Variants in PDSS2 observed in about 807,000 individuals in gnomAD.
PDSS2 encodes decaprenyl diphosphate synthase subunit 2, also known as all trans-polyprenyl-diphosphate synthase PDSS2.
PDSS2 carries 31 observed loss-of-function variants against 44.5 expected under a neutral mutation model. The observed-to-expected ratio is 0.70, with a 90% CI of 0.52 to 0.94. The LOEUF (loss-of-function observed/expected upper bound fraction) is 0.94, where lower values mean the gene tolerates loss of function less well. Ranked by LOEUF, PDSS2 falls within the 40% of genes least tolerant of loss-of-function variation. The pLI is 0.00. For synonymous variants in PDSS2, 157 were observed against 180.3 expected (o/e 0.87, Z 1.03); for missense variants, 452 against 482.2 (o/e 0.94, Z 0.59).
chr6:107,354,592 C>G (rs968558796), intron 1 of PDSS2, among the ~76,000 whole-genome samples: 1 of 152,168 alleles, frequency 6.6e-6, no homozygotes, highest in Non-Finnish European at 1.5e-5. Flanking sequence ...GAGCCAATTC[C>G]TGCATGTATT....
chr6:107,403,054 C>T (rs1328445327), intron 1 of PDSS2, among the ~76,000 whole-genome samples: 2 of 152,062 alleles, frequency 1.3e-5, no homozygotes, highest in Admixed American at 6.6e-5. Context: ...AAGTTTCATC[C>T]GAGACAAGGC....
chr6:107,433,118 A>G (rs1781243574), intron 1 of PDSS2, among the ~76,000 whole-genome samples: 1 of 152,202 alleles, frequency 6.6e-6, no homozygotes. Context: ...AAAATCATCC[A>G]GGATGGAAAA....
chr6:107,308,784 TTGC>T (rs570679746), intron 2 of PDSS2, among the ~76,000 whole-genome samples: 1 of 152,162 alleles, frequency 6.6e-6, no homozygotes, highest in Non-Finnish European at 1.5e-5. Context: ...TCCAGTCAGC[TTGC>T]TGCTGCTGCT....
At chr6:107,405,587 C>T (rs184604118) in intron 1 of PDSS2, among the ~76,000 whole-genome samples, 1 of 152,236 alleles carries the variant, frequency 6.6e-6, no homozygotes, top group African/African-American at 2.4e-5. Context: ...GTGGCTCACG[C>T]CTGTAATCCC....
chr6:107,314,720 T>C (rs1157926524), intron 2 of PDSS2, among the ~76,000 whole-genome samples: 1 of 152,252 alleles, frequency 6.6e-6, no homozygotes, highest in Non-Finnish European at 1.5e-5. Flanking sequence ...GTACGCAAGG[T>C]TAAAACCATT....
At chr6:107,172,800 A>T (rs9398118) in intron 7 of PDSS2, among the ~76,000 whole-genome samples, 102,135 of 149,004 alleles carry the variant, frequency 0.69, 35,264 homozygotes, top group Non-Finnish European at 0.72. Context: ...TTTTTTTTTT[A>T]AAATGTGGCC....
chr6:107,286,194 A>C (rs1281140887), intron 2 of PDSS2, among the ~76,000 whole-genome samples: 1 of 151,686 alleles, frequency 6.6e-6, no homozygotes, highest in Non-Finnish European at 1.5e-5. Flanking sequence ...AGTTAAAATA[A>C]ACAAAAAAGT....
chr6:107,406,729 T>C (rs1164677762), intron 1 of PDSS2, among the ~76,000 whole-genome samples: 1 of 152,186 alleles, frequency 6.6e-6, no homozygotes, highest in Admixed American at 6.5e-5. Flanking sequence ...TCTAGCTGGC[T>C]ATATCAAGAA....
At chr6:107,228,336 C>T (rs939893552) in intron 4 of PDSS2, among the ~76,000 whole-genome samples, 9 of 152,136 alleles carry the variant, frequency 5.9e-5, no homozygotes, top group Admixed American at 6.6e-5. Flanking sequence ...ATCTAATACT[C>T]CTATATTTGA....
intron 3 of PDSS2, among the ~76,000 whole-genome samples, chr6:107,257,433 G>A (rs1264275108): frequency 1.3e-5 from 2 of 151,876 alleles, no homozygotes; most frequent in African/African-American, 2.4e-5. Context: ...AGCTACTCAG[G>A]AGGCTGAGGT....
chr6:107,405,804 G>A lies in PDSS2; in HGVS notation c.296+53186C>T, dbSNP rs906344171. On this transcript the variant is annotated intron_variant, in intron 1 of 7. Transcript: ENST00000369037. Reference sequence around the variant, plus strand: ...GGAGCTTGCAGTGAGCCGAGATCCCGCCACTGCACTCCAGCCTGGGCGACA... The same window carrying A: ...GGAGCTTGCAGTGAGCCGAGATCCCACCACTGCACTCCAGCCTGGGCGACA... 8.4e-5 allele frequency among the ~76,000 whole-genome samples: 12 copies of A among 143,240 alleles called. No homozygotes were observed. In the East Asian group the frequency reaches 1.9e-3, roughly 22 times the overall value. The allele number at this position is 143,240 out of a possible 152,430, so 94.0% of individuals were successfully genotyped here. A position where few individuals can be genotyped will look rare whatever the true frequency, so the allele number is the denominator to read the frequency against.
At chr6:107,226,668 A>T (rs1296221271) in intron 4 of PDSS2, among the ~76,000 whole-genome samples, 22 of 132,236 alleles carry the variant, frequency 1.7e-4, no homozygotes, top group Admixed American at 1.4e-3. Flanking sequence ...GGATTTTGGA[A>T]TTTTTTTTTT....
chr6:107,430,355 C>G (rs1204269517), intron 1 of PDSS2, among the ~76,000 whole-genome samples: 1 of 151,972 alleles, frequency 6.6e-6, no homozygotes, highest in Non-Finnish European at 1.5e-5. Context: ...CAAAAAGTAG[C>G]CAGGCGTGGT....
chr6:107,429,904 AT>A (rs55788653), intron 1 of PDSS2, among the ~76,000 whole-genome samples: 526 of 33,236 alleles, frequency 0.016, 21 homozygotes, highest in African/African-American at 0.023. Flanking sequence ...AAAAAAAAAT[AT>A]ATATATATAT....
In PDSS2 at chr6:107,403,708, T is replaced by A. The variant is rs145278605; in HGVS notation, c.296+55282A>T. On this transcript the variant is annotated intron_variant, in intron 1 of 7. Transcript: ENST00000369037. ...CACCCTCTGAAGCCACAGCCTGAGC[T>A]GTATCTTGGCCCCTTTTAGCCATGG... 2.8e-3 allele frequency among the ~76,000 whole-genome samples: 434 copies of A among 152,338 alleles called. 5 individuals are homozygous for A. Among genetic ancestry groups the A allele is most frequent in the East Asian group, 0.017 (89 of 5,184 alleles).
At chr6:107,353,630 A>G (rs574921476) in intron 1 of PDSS2, among the ~76,000 whole-genome samples, 1 of 151,236 alleles carries the variant, frequency 6.6e-6, no homozygotes, top group Non-Finnish European at 1.5e-5. Context: ...TGAAGAAGCA[A>G]AGTCTTTACT....
intron 7 of PDSS2, among the ~76,000 whole-genome samples, chr6:107,164,990 C>T (rs140004266): frequency 0.023 from 3,551 of 152,244 alleles, 48 homozygotes; most frequent in Middle Eastern, 0.14. Context: ...CTGTTCATAT[C>T]CTTCGCCCAC....
chr6:107,179,883 C>T (rs770364072), intron 7 of PDSS2, among the ~76,000 whole-genome samples: 35 of 152,292 alleles, frequency 2.3e-4, no homozygotes, highest in South Asian at 1.0e-3. Flanking sequence ...TCAACTACAG[C>T]TTTCTGATGG....
chr6:107,423,687 A>C (rs1046457019), intron 1 of PDSS2, among the ~76,000 whole-genome samples: 1 of 152,188 alleles, frequency 6.6e-6, no homozygotes, highest in Non-Finnish European at 1.5e-5. Flanking sequence ...ACCTGAATTA[A>C]GAGGACTTAC....
Sources: allele counts gnomAD v4.1 joint callset (sites outside exome capture counted in the v4.1 genomes callset), GRCh38; gene constraint gnomAD v4.1.1; transcripts MANE v1.5; gene names NCBI Gene and HGNC (gene_info 2026-07-23, HGNC 2026-07-21).